CPNE4: variants seen among roughly 807,000 people sequenced by gnomAD.
CPNE4 encodes copine-4.
Under a neutral mutation model 67.9 loss-of-function variants are expected in CPNE4, and 25 were observed. The ratio of observed to expected loss-of-function variants is 0.37; its 90% CI spans 0.27 to 0.51. The LOEUF (loss-of-function observed/expected upper bound fraction) is 0.51, where lower values mean the gene tolerates loss of function less well. Among genes scored for constraint, CPNE4 ranks in the 20% least tolerant of loss-of-function variants. The pLI, the probability that CPNE4 is intolerant of heterozygous loss-of-function variation, is 0.93. For missense variants in CPNE4, 464 were observed against 690.8 expected, an observed-to-expected ratio of 0.67 and a Z score of 3.68; for synonymous variants, 242 against 244.9, an observed-to-expected ratio of 0.99 and a Z score of 0.11.
intron 11 of CPNE4, among the ~76,000 whole-genome samples, chr3:131,561,902 T>A (rs575330389): frequency 2.6e-5 from 4 of 152,048 alleles, no homozygotes; most frequent in Admixed American, 6.6e-5. Context: ...CACATTCTTC[T>A]AGGGAGCTTT....
chr3:131,935,256 G>A (rs2071189964), intron 1 of CPNE4, among the ~76,000 whole-genome samples: 1 of 152,136 alleles, frequency 6.6e-6, no homozygotes, highest in African/African-American at 2.4e-5. Flanking sequence ...ACTTGCAAGA[G>A]AGAGATTAAG....
intron 1 of CPNE4, among the ~76,000 whole-genome samples, chr3:131,977,605 C>T (rs1017470594): frequency 2.0e-5 from 3 of 152,016 alleles, no homozygotes; most frequent in Non-Finnish European, 4.4e-5. Flanking sequence ...ATAGAAACCA[C>T]TGCTATGGTA....
chr3:131,537,890 C>G (rs1304306238), intron 15 of CPNE4, among the ~76,000 whole-genome samples: 1 of 152,076 alleles, frequency 6.6e-6, no homozygotes, highest in Admixed American at 6.6e-5. Context: ...TTGTATAATC[C>G]AGGGTTTCTC....
At chr3:131,999,240 G>GAAAAAAAAAAAA (rs2073366807) in intron 1 of CPNE4, among the ~76,000 whole-genome samples, 1 of 10,358 alleles carries the variant, frequency 9.7e-5, no homozygotes, top group African/African-American at 4.8e-4. Flanking sequence ...TTTATCCAAG[G>GAAAAAAAAAAAA]TAAAAAAAAA....
Position 131,846,265 on chromosome 3 carries a change from G to A in CPNE4, c.180+58999C>T, listed in dbSNP as rs186370900. ...CATATTCATCAAGAACATCTAGTAC[G>A]ATTTCCAGGATCCAAGAGGTGTTCG... On this transcript the variant is annotated intron_variant, in intron 2 of 15. Coordinates refer to ENST00000429747, the MANE Select transcript of CPNE4 (RefSeq NM_130808.3). Among the ~76,000 whole-genome samples, 125 of 152,242 alleles carry A rather than the reference G, an allele frequency of 8.2e-4. No individual in the cohort carries two copies. In the East Asian group the frequency reaches 0.013, roughly 16 times the overall value.
At chr3:131,601,926 C>T (rs751363260) in intron 7 of CPNE4, among the ~76,000 whole-genome samples, 2 of 152,128 alleles carry the variant, frequency 1.3e-5, no homozygotes, top group African/African-American at 2.4e-5. Flanking sequence ...AGCTGTGAGA[C>T]GTTGGGCAGA....
intron 2 of CPNE4, among the ~76,000 whole-genome samples, chr3:131,895,943 C>G (rs1583418336): frequency 6.6e-6 from 1 of 151,916 alleles, no homozygotes; most frequent in Non-Finnish European, 1.5e-5. Flanking sequence ...ATCTAATCCC[C>G]GGCCAGGGGA....
At chr3:131,917,284 C>T (rs1038226171) in intron 1 of CPNE4, among the ~76,000 whole-genome samples, 2 of 152,110 alleles carry the variant, frequency 1.3e-5, no homozygotes, top group Non-Finnish European at 2.9e-5. Context: ...TAAATGACCT[C>T]GCTAGTGTTG....
At chr3:131,918,783 G>C (rs925144487) in intron 1 of CPNE4, among the ~76,000 whole-genome samples, 3 of 152,146 alleles carry the variant, frequency 2.0e-5, no homozygotes, top group Non-Finnish European at 4.4e-5. Context: ...CTCCAAAAAG[G>C]AGATATGGTG....
At chr3:132,008,751 T>C (rs1421054054) in intron 1 of CPNE4, among the ~76,000 whole-genome samples, 2 of 152,168 alleles carry the variant, frequency 1.3e-5, no homozygotes, top group African/African-American at 4.8e-5. Flanking sequence ...CAAAAACTTA[T>C]GTTTTTTTTT....
At chr3:131,891,247 AG>A (rs2088101368) in intron 2 of CPNE4, among the ~76,000 whole-genome samples, 2 of 152,236 alleles carry the variant, frequency 1.3e-5, no homozygotes, top group Admixed American at 6.5e-5. Context: ...AATTTTATGA[AG>A]TTTTTTTTAT....
chr3:131,574,404 A>T (rs1282385620), intron 10 of CPNE4, among the ~76,000 whole-genome samples: 1 of 152,050 alleles, frequency 6.6e-6, no homozygotes, highest in African/African-American at 2.4e-5. Flanking sequence ...TACAACCTTG[A>T]CCTACCTAGG....
intron 7 of CPNE4, among the ~76,000 whole-genome samples, chr3:131,632,295 C>T (rs895225172): frequency 1.3e-5 from 2 of 151,982 alleles, no homozygotes; most frequent in Non-Finnish European, 1.5e-5. Flanking sequence ...CAGGCATGAG[C>T]CACTGTGCTC....
chr3:131,797,692 G>A (rs916840675), intron 2 of CPNE4, among the ~76,000 whole-genome samples: 6 of 152,132 alleles, frequency 3.9e-5, no homozygotes, highest in African/African-American at 1.4e-4. Context: ...CAATCTGGTT[G>A]GTAATCGTGC....
intron 2 of CPNE4, among the ~76,000 whole-genome samples, chr3:131,871,637 C>A (rs1015737007): frequency 5.9e-5 from 9 of 152,194 alleles, no homozygotes; most frequent in Non-Finnish European, 1.3e-4. Context: ...ACCCTCATTT[C>A]TCTCAACAGT....
chr3:131,868,744 C>G (rs2087066186), intron 2 of CPNE4, among the ~76,000 whole-genome samples: 1 of 152,122 alleles, frequency 6.6e-6, no homozygotes, highest in Non-Finnish European at 1.5e-5. Flanking sequence ...TAATAGTAAC[C>G]ATTGGCAGGT....
intron 1 of CPNE4, among the ~76,000 whole-genome samples, chr3:131,936,955 T>A: frequency 1.4e-5 from 2 of 143,188 alleles, no homozygotes; most frequent in Non-Finnish European, 3.1e-5. Flanking sequence ...AAACTAAAAA[T>A]GAGAAAAGCA....
intron 1 of CPNE4, among the ~76,000 whole-genome samples, chr3:131,931,183 G>A (rs2071048791): frequency 6.6e-6 from 1 of 152,098 alleles, no homozygotes; most frequent in Admixed American, 6.5e-5. Flanking sequence ...AGACTGGCAG[G>A]ATCTTTTGCA....
intron 3 of CPNE4, among the ~76,000 whole-genome samples, chr3:131,720,655 C>T (rs2081859807): frequency 6.6e-6 from 1 of 152,200 alleles, no homozygotes; most frequent in Non-Finnish European, 1.5e-5. Flanking sequence ...CCCTCATCCA[C>T]AGGATGAAAT....
Sources: gnomAD v4.1 joint callset for allele counts (sites outside exome capture counted in the v4.1 genomes callset) on GRCh38, gnomAD v4.1.1 for gene constraint, MANE v1.5 for transcripts, NCBI Gene and HGNC (gene_info 2026-07-23, HGNC 2026-07-21) for gene names.